Variants in MAP1B observed in about 807,000 individuals in gnomAD.
MAP1B encodes microtubule associated protein 1B, also known as microtubule-associated protein 1B.
In MAP1B, 12 loss-of-function variants were observed where a neutral mutation model predicts 176.1. That is an observed-to-expected ratio of 0.07 (90% CI 0.04 to 0.11). MAP1B has a LOEUF of 0.11. Among genes scored for constraint, MAP1B ranks in the 10% least tolerant of loss-of-function variants. The pLI, the probability that MAP1B is intolerant of heterozygous loss-of-function variation, is 1.00. For missense variants in MAP1B, 2,523 were observed against 2,990.5 expected, an observed-to-expected ratio of 0.84 and a Z score of 3.65; for synonymous variants, 1,044 against 1,135.0, an observed-to-expected ratio of 0.92 and a Z score of 1.61.
intron 1 of MAP1B, among the ~76,000 whole-genome samples, chr5:72,112,848 G>A (rs1172965971): frequency 6.6e-6 from 1 of 152,180 alleles, no homozygotes; most frequent in Non-Finnish European, 1.5e-5. Context: ...GCTTGACTTG[G>A]TGTATATTGG....
chr5:72,200,410 TCTA>T, intron 5 of MAP1B, 43 bp downstream of exon 5: 1 of 1,582,306 alleles, frequency 6.3e-7, no homozygotes, highest in Non-Finnish European at 8.6e-7. Context: ...TCACAACCAT[TCTA>T]CTTGCGTTTA....
At position 72,194,586 on chromosome 5, in the gene MAP1B, C is replaced by G. The variant is rs1747104675; in HGVS notation, c.1231C>G (p.Leu411Val). 6.2e-7 allele frequency: 1 copy of G among 1,613,868 alleles called. No individual in the cohort carries two copies. Among genetic ancestry groups the G allele is most frequent in the Non-Finnish European group, 8.5e-7 (1 of 1,180,002 alleles). The change falls in exon 5 of 7, where the codon CTT becomes GTT. Residue 411 changes from leucine (L) to valine (V), a missense_variant. By Grantham distance (32) the Leu-to-Val change is conservative. Around this residue, in one of 4 missense-constraint regions of MAP1B, gnomAD observed 1,925 missense variants for 2,126.0 expected, o/e 0.91. Coordinates refer to ENST00000296755, the MANE Select transcript of MAP1B (RefSeq NM_005909.5). This position sits in a 1 kb window ranked among gnomAD's most constrained non-coding sequence, Gnocchi z 7.2. ...AGGCAATACTATTGATCCTGTCATTCTTTTCCAAAAAATGGGAGTAGGTAA... is the reference window on the plus strand; with the variant it reads ...AGGCAATACTATTGATCCTGTCATTGTTTTCCAAAAAATGGGAGTAGGTAA... ...SVGNTIDPVI[L>V]FQKMGVGKLE... is the part of the protein sequence containing the mutation.
rs115978802 is a variant in MAP1B at position 72,200,504 on chromosome 5, C to T, written c.7012+137C>T. ...GATGCTTTACCTTCCCTGTACTCTT[C>T]TCCTCTGCCCAAAGGTATATATCTC... On this transcript the variant is annotated intron_variant, in intron 5 of 6. Coordinates refer to ENST00000296755, the MANE Select transcript of MAP1B (RefSeq NM_005909.5). The T allele has an allele frequency of 9.4e-4, 1,042 of 1,107,224 alleles. 6 individuals are homozygous for T. In the African/African-American group the frequency reaches 0.015, roughly 16 times the overall value. 68.6% of individuals were successfully genotyped at this position (1,107,224 alleles called of 1,614,324 possible). A position where few individuals can be genotyped will look rare whatever the true frequency, so the allele number is the denominator to read the frequency against.
In MAP1B at chr5:72,195,255, A is replaced by G; in HGVS notation, c.1900A>G (p.Lys634Glu). Residue 634 changes from lysine to glutamate, a missense_variant, in exon 5 of 7, where the codon AAG becomes GAG. Physicochemically the swap from Lys to Glu is moderately conservative, Grantham distance 56 (BLOSUM62 1). Coordinates refer to ENST00000296755, the MANE Select transcript of MAP1B (RefSeq NM_005909.5). ...CACAGATGTCAAACCCAAAGCTGCC[A>G]AGGAGAAGACGGTGAAAAAGGAAAC... ...QATDVKPKAA[K>E]EKTVKKETKV... The G allele has an allele frequency of 6.2e-7, 1 of 1,613,896 alleles. No individual in the cohort carries two copies. Among genetic ancestry groups the G allele is most frequent in the Non-Finnish European group, 8.5e-7 (1 of 1,180,000 alleles).
chr5:72,172,837 C>T (rs1746572016), intron 2 of MAP1B, among the ~76,000 whole-genome samples: 1 of 152,176 alleles, frequency 6.6e-6, no homozygotes, highest in African/African-American at 2.4e-5. Context: ...CTGGCCAAGC[C>T]TAGCGCCAAG....
chr5:72,184,512 T>C (rs1265254411), intron 3 of MAP1B, among the ~76,000 whole-genome samples: 5 of 152,202 alleles, frequency 3.3e-5, no homozygotes, highest in African/African-American at 9.7e-5. Flanking sequence ...ATGACTGAAA[T>C]GTAAATATTA....
intron 2 of MAP1B, among the ~76,000 whole-genome samples, chr5:72,163,227 CAAAAAAAAA>C (rs10608907): frequency 1.3e-5 from 1 of 78,148 alleles, no homozygotes; most frequent in Non-Finnish European, 2.4e-5. Context: ...GACTCCATCT[CAAAAAAAAA>C]AAAAAAAAAA....
chr5:72,166,925 G>A (rs1375158359), intron 2 of MAP1B, among the ~76,000 whole-genome samples: 3 of 152,122 alleles, frequency 2.0e-5, no homozygotes, highest in Non-Finnish European at 4.4e-5. Context: ...GAAACAAGAT[G>A]AAACACAGCC....
At chr5:72,144,550 C>T (rs57538068) in intron 2 of MAP1B, among the ~76,000 whole-genome samples, 1,632 of 152,176 alleles carry the variant, frequency 0.011, 28 homozygotes, top group African/African-American at 0.036. Flanking sequence ...TCCACCATCA[C>T]GCCCAGCTAA....
At chr5:72,133,245 G>T (rs1745767307) in intron 2 of MAP1B, among the ~76,000 whole-genome samples, 1 of 152,212 alleles carries the variant, frequency 6.6e-6, no homozygotes, top group African/African-American at 2.4e-5. Flanking sequence ...TCCTGCCTCT[G>T]CCTGTACTTA....
At chr5:72,116,659 A>AG (rs1434019886) in intron 2 of MAP1B, among the ~76,000 whole-genome samples, 1 of 152,160 alleles carries the variant, frequency 6.6e-6, no homozygotes, top group African/African-American at 2.4e-5. Flanking sequence ...AAAGACTCCA[A>AG]ACCTGGAATA....
intron 2 of MAP1B, among the ~76,000 whole-genome samples, chr5:72,127,793 G>A (rs184900105): frequency 8.5e-5 from 13 of 152,080 alleles, no homozygotes; most frequent in East Asian, 5.8e-4. Flanking sequence ...ATAATCCCTC[G>A]TGGGATTATT....
intron 2 of MAP1B, among the ~76,000 whole-genome samples, chr5:72,124,272 G>A (rs1489500623): frequency 1.3e-5 from 2 of 152,166 alleles, no homozygotes; most frequent in African/African-American, 4.8e-5. Flanking sequence ...TGAGAGAAAC[G>A]TGAGAAAGTA....
chr5:72,173,175 C>G (rs1746578758), intron 2 of MAP1B, among the ~76,000 whole-genome samples: 1 of 152,192 alleles, frequency 6.6e-6, no homozygotes, highest in Non-Finnish European at 1.5e-5. Flanking sequence ...TAGGTCAGGT[C>G]TTGAATATAC....
chr5:72,128,407 TTA>T (rs1745666341), intron 2 of MAP1B, among the ~76,000 whole-genome samples: 2 of 120,406 alleles, frequency 1.7e-5, no homozygotes, highest in Non-Finnish European at 1.8e-5. Context: ...AGATATTGTT[TTA>T]AAAAAAAAAA....
chr5:72,190,778 G>T (rs1747009642), intron 4 of MAP1B, among the ~76,000 whole-genome samples: 1 of 152,114 alleles, frequency 6.6e-6, no homozygotes, highest in Non-Finnish European at 1.5e-5. Flanking sequence ...CTGTTCAGGG[G>T]TCCTATTAAA....
At chr5:72,184,939 G>A (rs1319835248) in intron 3 of MAP1B, among the ~76,000 whole-genome samples, 15 of 152,000 alleles carry the variant, frequency 9.9e-5, no homozygotes, top group Non-Finnish European at 2.2e-4. Flanking sequence ...CGTCTATCAC[G>A]CCCCAAAAGC....
At chr5:72,152,723 C>T (rs759230586) in intron 2 of MAP1B, among the ~76,000 whole-genome samples, 2 of 152,172 alleles carry the variant, frequency 1.3e-5, no homozygotes, top group African/African-American at 2.4e-5. Context: ...CATGAGCCAC[C>T]GTGCCTGGCC....
Position 72,197,869 on chromosome 5 carries a change from T to C in MAP1B, c.4514T>C (p.Ile1505Thr), listed in dbSNP as rs576025158. 1.2e-6 allele frequency: 2 copies of C among 1,614,210 alleles called. No individual in the cohort carries two copies. The highest frequency in any genetic ancestry group is 2.7e-5 in the African/African-American group (2 of 75,064). ...RKLGDVSPTQIDVSQFGSFKE... is the reference protein window; with the variant it reads ...RKLGDVSPTQTDVSQFGSFKE... The stretch of plus-strand genomic sequence containing the variant: ...TTAGGAGATGTTTCTCCCACACAAA[T>C]AGATGTCAGTCAGTTTGGATCTTTT... The change falls in exon 5 of 7, where the codon ATA (isoleucine) becomes ACA (threonine). Residue 1505 changes from isoleucine (I) to threonine (T), a missense_variant. Physicochemically the swap from Ile to Thr is moderately conservative, Grantham distance 89. Transcript: ENST00000296755.
Sources: allele counts gnomAD v4.1 joint callset (sites outside exome capture counted in the v4.1 genomes callset), GRCh38; gene constraint gnomAD v4.1.1; regional missense constraint gnomAD v4.1.1; non-coding constraint Gnocchi (gnomAD v3.1); transcripts MANE v1.5; gene names NCBI Gene and HGNC (gene_info 2026-07-23, HGNC 2026-07-21).